The following TRPA1 variants were observed in gnomAD, a reference collection of about 807,000 sequenced individuals.
The protein encoded by TRPA1 is transient receptor potential cation channel subfamily A member 1.
Under a neutral mutation model 131.3 loss-of-function variants are expected in TRPA1, and 129 were observed. The ratio of observed to expected loss-of-function variants is 0.98; its 90% CI spans 0.85 to 1.14. TRPA1 has a LOEUF of 1.14. TRPA1 is among the 50% of genes most tolerant of loss of function. TRPA1 has a pLI of 0.00. For synonymous variants in TRPA1, 441 were observed against 451.7 expected (o/e 0.98, Z 0.30); for missense variants, 1,304 against 1,354.2 (o/e 0.96, Z 0.58).
chr8:72,023,129 A>G lies in TRPA1; in HGVS notation c.3150-13T>C. On this transcript the variant is annotated splice_polypyrimidine_tract_variant and intron_variant, in intron 26 of 26. Transcript: ENST00000262209. ...AAGATCCTTCAGCCTAAAAGGACAT[A>G]CACATTTCATGAATTTATTTTCAGT... 1 of 1,610,234 alleles carries G rather than the reference A, an allele frequency of 6.2e-7. No individual in the cohort carries two copies. The highest frequency in any genetic ancestry group is 8.5e-7 in the Non-Finnish European group (1 of 1,178,270).
intron 24 of TRPA1, among the ~76,000 whole-genome samples, chr8:72,029,225 C>G (rs1811716951): frequency 6.6e-6 from 1 of 152,098 alleles, no homozygotes; most frequent in Non-Finnish European, 1.5e-5. Context: ...CTGTGGGGAC[C>G]CTGTGATTCC....
chr8:72,081,696 T>C, the TRPA1 span, among the ~76,000 whole-genome samples: 1 of 151,876 alleles, frequency 6.6e-6, no homozygotes, highest in Non-Finnish European at 1.5e-5. Context: ...TGCATACTTA[T>C]AATTATTGTC....
intron 20 of TRPA1, among the ~76,000 whole-genome samples, chr8:72,036,975 A>T (rs1812074255): frequency 6.6e-6 from 1 of 152,216 alleles, no homozygotes; most frequent in Admixed American, 6.5e-5. Flanking sequence ...AAATATCAAT[A>T]AGAAAATGTG....
intron 25 of TRPA1, among the ~76,000 whole-genome samples, chr8:72,024,557 A>C (rs575940241): frequency 3.9e-4 from 60 of 152,276 alleles, no homozygotes; most frequent in African/African-American, 1.3e-3. Context: ...GCTGGATTGC[A>C]CAGGCTAATG....
At chr8:72,078,629 ATAC>A (rs1249278953), upstream of TRPA1, among the ~76,000 whole-genome samples, 1 of 152,088 alleles carries the variant, frequency 6.6e-6, no homozygotes, top group African/African-American at 2.4e-5. Context: ...TTGTATGGGT[ATAC>A]CATGTTTTCT....
At chr8:72,069,262 G>T in intron 2 of TRPA1, 64 bp from the exon 3 acceptor site, 1 of 1,519,234 alleles carries the variant, frequency 6.6e-7, no homozygotes, top group Non-Finnish European at 9.1e-7. Flanking sequence ...CCTCCTGAGT[G>T]CCTATACACT....
intron 15 of TRPA1, among the ~76,000 whole-genome samples, chr8:72,049,173 A>C (rs560032996): frequency 6.6e-6 from 1 of 152,160 alleles, no homozygotes; most frequent in African/African-American, 2.4e-5. Flanking sequence ...ATAAAGAACA[A>C]TAAGTGCTAG....
the TRPA1 span, among the ~76,000 whole-genome samples, chr8:72,086,057 T>G: frequency 6.6e-6 from 1 of 152,044 alleles, no homozygotes; most frequent in South Asian, 2.1e-4. Context: ...TCTGCCACCA[T>G]GCTCGGCTAA....
At chr8:72,029,858 C>A (rs1427647186) in intron 24 of TRPA1, 43 bp downstream of exon 24, 2 of 1,584,124 alleles carry the variant, frequency 1.3e-6, no homozygotes, top group African/African-American at 2.7e-5. Flanking sequence ...TGTGGGTTTA[C>A]CAGAAGATAA....
intron 17 of TRPA1, among the ~76,000 whole-genome samples, chr8:72,042,376 T>C (rs1364595466): frequency 1.3e-5 from 2 of 151,870 alleles, no homozygotes; most frequent in Non-Finnish European, 2.9e-5. Context: ...CCACTTCGCA[T>C]CCGTTAGGTT....
rs199675787 is a variant in TRPA1 at position 72,065,492 on chromosome 8, T to C, written c.511A>G (p.Ile171Val). The change falls in exon 4 of 27, where the codon ATT becomes GTT. Residue 171 changes from isoleucine (I) to valine (V), a missense_variant. Coordinates refer to ENST00000262209, the MANE Select transcript of TRPA1 (RefSeq NM_007332.3). ...EGENGNTAVI[I>V]ACTTNNSEAL... The stretch of plus-strand genomic sequence containing the variant: ...TCGCTATTATTTGTGGTGCACGCAA[T>C]GATCACAGCTGTGTTTCCATTTTCT... The C allele has an allele frequency of 1.9e-6, 3 of 1,613,518 alleles. No individual in the cohort carries two copies. Among genetic ancestry groups the C allele is most frequent in the South Asian group, 1.1e-5 (1 of 91,088 alleles).
At chr8:72,057,621 G>C (rs1805701926) in intron 9 of TRPA1, 96 bp downstream of exon 9, 2 of 942,846 alleles carry the variant, frequency 2.1e-6, no homozygotes, top group Non-Finnish European at 3.5e-6. Flanking sequence ...ACAATAGATG[G>C]TGGCACACAA....
chr8:72,036,874 G>A (rs1226862555), intron 20 of TRPA1, among the ~76,000 whole-genome samples: 1 of 152,184 alleles, frequency 6.6e-6, no homozygotes, highest in Non-Finnish European at 1.5e-5. Flanking sequence ...GACATGCACT[G>A]AGACTTAATT....
chr8:72,036,497 C>T lies in TRPA1; in HGVS notation c.2386-40G>A, dbSNP rs758992280. ...AATAAAAAATTACCACATATAGAGA[C>T]CTAGCATCTATGGATGGTTATATAC... On this transcript the variant is annotated intron_variant, in intron 20 of 26. Coordinates refer to ENST00000262209, the MANE Select transcript of TRPA1 (RefSeq NM_007332.3). 9 of 1,572,556 alleles carry T rather than the reference C, an allele frequency of 5.7e-6. No individual in the cohort carries two copies. In the South Asian group the frequency reaches 8.9e-5, roughly 16 times the overall value.
chr8:72,059,979 A>G (rs1805769103), intron 7 of TRPA1, among the ~76,000 whole-genome samples: 1 of 152,232 alleles, frequency 6.6e-6, no homozygotes, highest in Non-Finnish European at 1.5e-5. Flanking sequence ...AAGCAACACC[A>G]TAACAAATGT....
the TRPA1 span, among the ~76,000 whole-genome samples, chr8:72,087,384 G>A: frequency 6.6e-6 from 1 of 152,114 alleles, no homozygotes; most frequent in Non-Finnish European, 1.5e-5. Context: ...GAAGTATGCC[G>A]TTGGCAAAAG....
upstream of TRPA1, chr8:72,075,663 C>T: frequency 1.9e-6 from 1 of 523,518 alleles, no homozygotes; most frequent in Non-Finnish European, 3.5e-6. Context: ...ACGCGGAGCT[C>T]CTTCGCAAAG....
the TRPA1 span, among the ~76,000 whole-genome samples, chr8:72,088,427 T>C: frequency 1.3e-5 from 2 of 149,880 alleles, no homozygotes; most frequent in Middle Eastern, 3.2e-3. Context: ...AGGGTAGATA[T>C]GCATGTTTAG....
In TRPA1 at chr8:72,039,741, A is replaced by T. The variant is rs1237775135; in HGVS notation, c.2118T>A (p.Tyr706Ter). The T allele has an allele frequency of 5.6e-6, 9 of 1,606,782 alleles. No individual in the cohort carries two copies. The highest frequency in any genetic ancestry group is 7.7e-6 in the Non-Finnish European group (9 of 1,174,022). The change falls in exon 18 of 27, where the codon TAT becomes TAA. Residue 706 changes from tyrosine (Y) to a stop codon, truncating the protein, a stop_gained. Transcript: ENST00000262209. LOFTEE classifies it high-confidence loss of function. ...TCAATACCCACCATTTCATGAGTAA[A>T]TATTCTTTACACACAGGATGATTGA... Reference protein sequence around the residue: ...ELLNHPVCKEYLLMKWLAYGF... With the variant: ...ELLNHPVCKE
Sources: gnomAD v4.1 joint callset for allele counts (sites outside exome capture counted in the v4.1 genomes callset) on GRCh38, gnomAD v4.1.1 for gene constraint, MANE v1.5 for transcripts, NCBI Gene and HGNC (gene_info 2026-07-23, HGNC 2026-07-21) for gene names.